The following TECTB variants were observed in gnomAD, a reference collection of about 807,000 sequenced individuals.
TECTB encodes tectorin beta.
A neutral mutation model predicts 43.3 loss-of-function variants in TECTB; 45 were observed. That is an observed-to-expected ratio of 1.04 (90% CI 0.82 to 1.33). TECTB has a LOEUF of 1.33. TECTB is among the 40% of genes most tolerant of loss of function. The probability of loss-of-function intolerance (pLI) is 0.00; values close to 1 mark genes in which losing one functional copy is unlikely to be tolerated. For synonymous variants in TECTB, 169 were observed against 156.7 expected (o/e 1.08, Z -0.59); for missense variants, 399 against 404.7 (o/e 0.99, Z 0.12).
intron 5 of TECTB, among the ~76,000 whole-genome samples, chr10:112,287,812 C>A (rs1771941369): frequency 6.6e-6 from 1 of 152,156 alleles, no homozygotes; most frequent in Non-Finnish European, 1.5e-5. Flanking sequence ...ATTTCAAGGC[C>A]CTTTCAAGGC....
chr10:112,286,372 T>A lies in TECTB; in HGVS notation c.464T>A (p.Leu155Gln). The change falls in exon 5 of 11, where the codon CTG becomes CAG. Residue 155 changes from leucine (L) to glutamine (Q), a missense_variant. Physicochemically the swap from Leu to Gln is moderately radical, Grantham distance 113. Transcript: ENST00000646139. The stretch of plus-strand genomic sequence containing the variant: ...AGCATGGGCACATTTGAGAGCCAAC[T>A]GTCTCTCAACTTCTACACTGTAAGT... ...NGSMGTFESQ[L>Q]SLNFYTNAKF... The A allele has an allele frequency of 6.2e-7, 1 of 1,609,540 alleles. No homozygotes were observed. The highest frequency in any genetic ancestry group is 1.1e-5 in the South Asian group (1 of 90,986).
At chr10:112,291,730 A>G (rs942002490) in intron 5 of TECTB, among the ~76,000 whole-genome samples, 4 of 152,198 alleles carry the variant, frequency 2.6e-5, no homozygotes, top group African/African-American at 9.7e-5. Context: ...TTTGCATAGG[A>G]AGAAGCTGAG....
At chr10:112,290,454 A>T (rs1848489803) in intron 5 of TECTB, among the ~76,000 whole-genome samples, 1 of 152,236 alleles carries the variant, frequency 6.6e-6, no homozygotes, top group Non-Finnish European at 1.5e-5. Context: ...CTCAATCATT[A>T]GTGTTCTATT....
rs2133345806 is a variant in TECTB at position 112,283,630 on chromosome 10, T to C, written c.-87-18T>C. 2.9e-5 allele frequency: 30 copies of C among 1,031,906 alleles called. No individual in the cohort carries two copies. In the South Asian group the frequency reaches 4.7e-4, roughly 16 times the overall value. The allele number at this position is 1,031,906 out of a possible 1,614,324, so 63.9% of individuals were successfully genotyped here. On this transcript the variant is annotated intron_variant, in intron 1 of 10. Transcript: ENST00000646139. ...TTCTTCCCTTGATTTTAACTTTTCA[T>C]TCATGTTTCTGACTTAGAATGATCG...
Position 112,304,011 on chromosome 10 carries a change from C to A in TECTB, c.*699C>A, listed in dbSNP as rs1848633042. ...TATAGCAGATGTATACTTCTAAAGT[C>A]AAAAGAAAATTACAAATTAAATAGG... On this transcript the variant is annotated 3_prime_UTR_variant, in exon 11 of 11. Transcript: ENST00000646139. 6.6e-6 allele frequency: 1 copy of A among 151,992 alleles called. No individual in the cohort carries two copies. The highest frequency in any genetic ancestry group is 2.4e-5 in the African/African-American group (1 of 41,374). 9.4% of individuals were successfully genotyped at this position (151,992 alleles called of 1,614,324 possible). A position where few individuals can be genotyped will look rare whatever the true frequency, so the allele number is the denominator to read the frequency against.
At position 112,303,610 on chromosome 10, in the gene TECTB, AT is replaced by A; in HGVS notation, c.*302del. On this transcript the variant is annotated 3_prime_UTR_variant, in exon 11 of 11. Coordinates refer to ENST00000646139, the MANE Select transcript of TECTB (RefSeq NM_058222.3). ...GCTGCAGTAAATTCCTTTGAAAGCT[AT>A]TTTAACTTTAAAAGGTTAGCAGACC... is the stretch of plus-strand genomic sequence containing the variant. The A allele has an allele frequency of 2.4e-6, 1 of 409,606 alleles. No individual in the cohort carries two copies. Among genetic ancestry groups the A allele is most frequent in the African/African-American group, 2.0e-5 (1 of 50,846 alleles). The allele number at this position is 409,606 out of a possible 1,614,324, so 25.4% of individuals were successfully genotyped here. A position where few individuals can be genotyped will look rare whatever the true frequency, so the allele number is the denominator to read the frequency against.
At chr10:112,295,792 C>T (rs1385601541) in intron 7 of TECTB, among the ~76,000 whole-genome samples, 2 of 152,236 alleles carry the variant, frequency 1.3e-5, no homozygotes, top group East Asian at 3.9e-4. Flanking sequence ...CATCTCTCTG[C>T]AGGGAGTTCT....
intron 7 of TECTB, among the ~76,000 whole-genome samples, chr10:112,296,926 G>A (rs1438637413): frequency 6.6e-6 from 1 of 152,074 alleles, no homozygotes; most frequent in African/African-American, 2.4e-5. Context: ...TGACGCTTTC[G>A]AAACATAGAC....
At position 112,298,068 on chromosome 10, in the gene TECTB, G is replaced by A; in HGVS notation, c.672-1G>A. The A allele has an allele frequency of 6.2e-7, 1 of 1,614,162 alleles. No individual in the cohort carries two copies. Among genetic ancestry groups the A allele is most frequent in the Non-Finnish European group, 8.5e-7 (1 of 1,180,024 alleles). ...CACTCTTCTTTCCCCATCTGCCTCA[G>A]CTGCCCCACGGATGAAACCGTCCTC... On this transcript the variant is annotated splice_acceptor_variant, in intron 7 of 10. Transcript: ENST00000646139. LOFTEE classifies it high-confidence loss of function.
Position 112,299,530 on chromosome 10 carries a change from C to T in TECTB, c.873C>T (p.Thr291=), listed in dbSNP as rs1318475534. The part of the protein sequence containing the change: ...DKRKRLLRDQ[T]GGVLVVELSL... ...GGAAGCGCCTCCTGCGAGACCAGAC[C>T]GGGGGAGTCCTGGTCGTGGAGCTCT... The change falls in exon 9 of 11, where the codon ACC becomes ACT. Residue 291 remains threonine, a synonymous_variant. Transcript: ENST00000646139. The T allele has an allele frequency of 9.9e-6, 16 of 1,614,048 alleles. No individual in the cohort carries two copies. Among genetic ancestry groups the T allele is most frequent in the East Asian group, 2.2e-5 (1 of 44,878 alleles).
At chr10:112,285,287 C>T (rs1589635586) in intron 3 of TECTB, among the ~76,000 whole-genome samples, 3 of 152,160 alleles carry the variant, frequency 2.0e-5, no homozygotes, top group African/African-American at 7.2e-5. Flanking sequence ...GGCCACAGAG[C>T]CTGTAGGGAT....
intron 9 of TECTB, 191 bp downstream of exon 9, chr10:112,299,755 G>A (rs1456895015): frequency 6.8e-6 from 4 of 590,898 alleles, no homozygotes; most frequent in African/African-American, 5.6e-5. Flanking sequence ...AGGAGTTGAG[G>A]TTTGTTATCT....
At chr10:112,299,432 T>C in intron 8 of TECTB, 60 bp from the exon 9 acceptor site, 1 of 1,518,510 alleles carries the variant, frequency 6.6e-7, no homozygotes. Flanking sequence ...TTTCTCCCCT[T>C]TGCTCACGCA....
intron 7 of TECTB, among the ~76,000 whole-genome samples, chr10:112,295,626 A>G (rs1382959837): frequency 6.6e-6 from 1 of 152,234 alleles, no homozygotes; most frequent in Non-Finnish European, 1.5e-5. Context: ...GAATGATTCA[A>G]TTCATTCAGC....
intron 9 of TECTB, 120 bp downstream of exon 9, chr10:112,299,684 C>A (rs1202622624): frequency 2.0e-6 from 2 of 1,017,758 alleles, no homozygotes; most frequent in South Asian, 2.9e-5. Flanking sequence ...CCTGTGGGCA[C>A]AACCTTCACC....
chr10:112,301,646 AC>A (rs1335964030), intron 9 of TECTB, among the ~76,000 whole-genome samples: 1 of 152,106 alleles, frequency 6.6e-6, no homozygotes, highest in East Asian at 1.9e-4. Flanking sequence ...GTGAGATGAA[AC>A]TTTGTAAACC....
intron 1 of TECTB, 60 bp downstream of exon 1, chr10:112,283,556 A>G: frequency 1.7e-6 from 1 of 605,304 alleles, no homozygotes; most frequent in South Asian, 2.2e-5. Context: ...ACGACACAAC[A>G]TCGTTTATCT....
chr10:112,302,115 AGTC>A lies in TECTB; in HGVS notation c.923_925del (p.Ser308_Leu309delinsIle). The A allele has an allele frequency of 6.2e-7, 1 of 1,614,130 alleles. No homozygotes were observed. Among genetic ancestry groups the A allele is most frequent in the South Asian group, 1.1e-5 (1 of 91,054 alleles). Reference sequence around the variant, plus strand: ...ACTCACTACAGGCAGGGGATTTTCCAGTCTCTATAGCTTCTCAGGTAAGGAAAA... The same window carrying A: ...ACTCACTACAGGCAGGGGATTTTCCATCTATAGCTTCTCAGGTAAGGAAAA... On this transcript the variant is annotated inframe_deletion, in exon 10 of 11. Transcript: ENST00000646139.
chr10:112,289,233 ATTG>A lies in TECTB; in HGVS notation c.483+2845_483+2847del, dbSNP rs78666040. On this transcript the variant is annotated intron_variant, in intron 5 of 10. Transcript: ENST00000646139. ...AGTGGAAACTCTGAGGGCTTCTAGC[ATTG>A]TTAACTTTATAAGGCTGAACATCGA... 4.6e-5 allele frequency among the ~76,000 whole-genome samples: 7 copies of A among 152,382 alleles called. No individual in the cohort carries two copies. In the East Asian group the frequency reaches 1.3e-3, roughly 29 times the overall value.
Sources: allele counts gnomAD v4.1 joint callset (sites outside exome capture counted in the v4.1 genomes callset), GRCh38; gene constraint gnomAD v4.1.1; transcripts MANE v1.5; gene names NCBI Gene and HGNC (gene_info 2026-07-23, HGNC 2026-07-21).